The following HMGCLL1 variants were observed in gnomAD, a reference collection of about 807,000 sequenced individuals.
HMGCLL1 encodes 3-hydroxymethyl-3-methylglutaryl-CoA lyase, cytoplasmic.
HMGCLL1 carries 36 observed loss-of-function variants against 39.1 expected under a neutral mutation model. The ratio of observed to expected loss-of-function variants is 0.92; its 90% CI spans 0.71 to 1.22. The LOEUF (loss-of-function observed/expected upper bound fraction) is 1.22. HMGCLL1 is among the 50% of genes most tolerant of loss of function. The pLI is 0.00. For synonymous variants in HMGCLL1, 149 were observed against 144.0 expected (o/e 1.03, Z -0.25); for missense variants, 451 against 416.5 (o/e 1.08, Z -0.72).
At chr6:55,545,156 T>G (rs1269585864) in intron 1 of HMGCLL1, among the ~76,000 whole-genome samples, 1 of 151,170 alleles carries the variant, frequency 6.6e-6, no homozygotes, top group Admixed American at 6.6e-5. Context: ...TCAACAACAA[T>G]TAGCTTGGCA....
intron 7 of HMGCLL1, among the ~76,000 whole-genome samples, chr6:55,452,186 C>T (rs574735429): frequency 1.3e-5 from 2 of 152,228 alleles, no homozygotes; most frequent in African/African-American, 4.8e-5. Context: ...TTGTTTTCTC[C>T]TTAAACCTTC....
At chr6:55,646,693 G>T in the HMGCLL1 span, among the ~76,000 whole-genome samples, 1 of 152,008 alleles carries the variant, frequency 6.6e-6, no homozygotes, top group Non-Finnish European at 1.5e-5. Flanking sequence ...CCATGTGTTT[G>T]TATAGCTGCA....
In HMGCLL1 at chr6:55,516,576, C is replaced by T; in HGVS notation, c.325G>A (p.Gly109Ser). ...CGAACTCCTGGATATTGATGAATGC[C>T]TTTCATTACTTCAGTGTGATCAGCC... ...QMADHTEVMK[G>S]IHQYPGVRYP... Residue 109 changes from glycine to serine, a missense_variant, in exon 4 of 9, where the codon GGC becomes AGC. By Grantham distance (56) the Gly-to-Ser change is moderately conservative. Transcript: ENST00000274901. 1 of 1,598,482 alleles carries T rather than the reference C, an allele frequency of 6.3e-7. No individual in the cohort carries two copies. Among genetic ancestry groups the T allele is most frequent in the Non-Finnish European group, 8.6e-7 (1 of 1,169,276 alleles).
intron 3 of HMGCLL1, among the ~76,000 whole-genome samples, chr6:55,528,641 G>GTTTT (rs5876457): frequency 3.0e-4 from 44 of 149,148 alleles, no homozygotes; most frequent in Non-Finnish European, 3.7e-4. Flanking sequence ...TGAACATCCA[G>GTTTT]TTTTTTTTTT....
chr6:55,581,775 A>G (rs1338774666), upstream of HMGCLL1, among the ~76,000 whole-genome samples: 1 of 152,040 alleles, frequency 6.6e-6, no homozygotes, highest in Admixed American at 6.6e-5. Flanking sequence ...TCTGCACTCT[A>G]TACTATGCTT....
chr6:55,564,947 G>T (rs1581955893), intron 1 of HMGCLL1, among the ~76,000 whole-genome samples: 1 of 151,910 alleles, frequency 6.6e-6, no homozygotes, highest in East Asian at 1.9e-4. Flanking sequence ...TGAATGTTGG[G>T]TCTCAACATG....
the HMGCLL1 span, among the ~76,000 whole-genome samples, chr6:55,627,674 T>A: frequency 7.0e-6 from 1 of 141,992 alleles, no homozygotes; most frequent in East Asian, 2.0e-4. Context: ...CCAGGGAATA[T>A]AAAGCAGGCA....
the HMGCLL1 span, among the ~76,000 whole-genome samples, chr6:55,646,371 T>A: frequency 1.3e-5 from 2 of 151,814 alleles, no homozygotes; most frequent in African/African-American, 4.8e-5. Context: ...TATATTGTTT[T>A]CTTAATTTCA....
At chr6:55,625,977 C>G in the HMGCLL1 span, among the ~76,000 whole-genome samples, 1 of 152,132 alleles carries the variant, frequency 6.6e-6, no homozygotes, top group Non-Finnish European at 1.5e-5. Flanking sequence ...TGAACAAAGT[C>G]GTCATGGTGC....
At position 55,480,955 on chromosome 6, in the gene HMGCLL1, G is replaced by A. The variant is rs145904224; in HGVS notation, c.795+14464C>T. On this transcript the variant is annotated intron_variant, in intron 7 of 8. Coordinates refer to ENST00000274901, the MANE Select transcript of HMGCLL1 (RefSeq NM_001042406.2). ...TAAAACAATTGAGCTCATAGAGATC[G>A]TAGAACAATGATTACCAGAGGCTAG... 2.2e-3 allele frequency among the ~76,000 whole-genome samples: 335 copies of A among 152,174 alleles called. 4 individuals are homozygous for A. Among genetic ancestry groups the A allele is most frequent in the South Asian group, 8.9e-3 (43 of 4,826 alleles).
chr6:55,491,919 T>C (rs2127420926), intron 7 of HMGCLL1, among the ~76,000 whole-genome samples: 1 of 151,856 alleles, frequency 6.6e-6, no homozygotes, highest in Non-Finnish European at 1.5e-5. Context: ...AAATCATATA[T>C]TTAAGTAATA....
intron 7 of HMGCLL1, among the ~76,000 whole-genome samples, chr6:55,480,721 T>C (rs925824014): frequency 3.3e-5 from 5 of 151,844 alleles, no homozygotes; most frequent in Admixed American, 3.3e-4. Flanking sequence ...AGCCAAGATT[T>C]GGAAGCAACC....
At chr6:55,577,230 G>C in intron 1 of HMGCLL1, 1 of 1,493,262 alleles carries the variant, frequency 6.7e-7, no homozygotes, top group South Asian at 1.2e-5. Context: ...GTTCAATTAC[G>C]ATAAGATAGA....
intron 1 of HMGCLL1, among the ~76,000 whole-genome samples, chr6:55,545,885 G>C (rs1488521167): frequency 6.6e-6 from 1 of 152,094 alleles, no homozygotes. Flanking sequence ...TAGTCAACAA[G>C]TATGAAAGGC....
chr6:55,568,938 C>CA (rs1771342060), intron 1 of HMGCLL1, among the ~76,000 whole-genome samples: 1 of 151,588 alleles, frequency 6.6e-6, no homozygotes, highest in Non-Finnish European at 1.5e-5. Flanking sequence ...AGTTACAGCA[C>CA]AGAGTGAATA....
intron 7 of HMGCLL1, among the ~76,000 whole-genome samples, chr6:55,466,681 C>G (rs2127400058): frequency 6.6e-6 from 1 of 152,194 alleles, no homozygotes; most frequent in Non-Finnish European, 1.5e-5. Context: ...GCCCTTCACT[C>G]CTCTGTACTA....
chr6:55,638,013 C>T, the HMGCLL1 span, among the ~76,000 whole-genome samples: 5 of 152,026 alleles, frequency 3.3e-5, no homozygotes, highest in African/African-American at 1.2e-4. Flanking sequence ...ATCTAAATAG[C>T]TGTGACCCTA....
chr6:55,543,594 A>AT (rs1466867316), intron 1 of HMGCLL1, among the ~76,000 whole-genome samples: 7 of 75,704 alleles, frequency 9.2e-5, no homozygotes, highest in Non-Finnish European at 1.5e-4. Context: ...TTATATATAT[A>AT]TATTTTTTTG....
intron 6 of HMGCLL1, among the ~76,000 whole-genome samples, chr6:55,497,572 C>A (rs898850892): frequency 2.0e-5 from 3 of 152,022 alleles, no homozygotes; most frequent in African/African-American, 7.2e-5. Flanking sequence ...AGATCTTAGT[C>A]AACCCTACTG....
Sources: allele counts gnomAD v4.1 joint callset (sites outside exome capture counted in the v4.1 genomes callset), GRCh38; gene constraint gnomAD v4.1.1; transcripts MANE v1.5; gene names NCBI Gene and HGNC (gene_info 2026-07-23, HGNC 2026-07-21).